The following APP variants were observed in gnomAD, a reference collection of about 807,000 sequenced individuals.
APP encodes the protein amyloid beta precursor protein, also known as amyloid-beta precursor protein.
Under a neutral mutation model 101.4 loss-of-function variants are expected in APP, and 31 were observed. The ratio of observed to expected loss-of-function variants is 0.31; its 90% CI spans 0.23 to 0.41. The LOEUF is 0.41. Among genes scored for constraint, APP ranks in the 10% least tolerant of loss-of-function variants. The pLI is 1.00. For missense variants in APP, 839 were observed against 1,003.7 expected, an observed-to-expected ratio of 0.84 and a Z score of 2.22; for synonymous variants, 366 against 364.4, an observed-to-expected ratio of 1.00 and a Z score of -0.05.
chr21:26,108,310 C>G (rs1008786572), intron 2 of APP, among the ~76,000 whole-genome samples: 1 of 152,152 alleles, frequency 6.6e-6, no homozygotes, highest in Non-Finnish European at 1.5e-5. Context: ...CAATGTTAAA[C>G]CTATATAAAA....
At chr21:26,154,619 G>A (rs549327598) in intron 1 of APP, among the ~76,000 whole-genome samples, 5 of 152,258 alleles carry the variant, frequency 3.3e-5, no homozygotes, top group African/African-American at 9.6e-5. Flanking sequence ...ACAACCTAAC[G>A]TTAGTACCTT....
At chr21:26,049,737 T>C (rs1194218306) in intron 5 of APP, among the ~76,000 whole-genome samples, 2 of 152,112 alleles carry the variant, frequency 1.3e-5, no homozygotes, top group East Asian at 3.9e-4. Context: ...GTAAGAATGG[T>C]TATCCATTGA....
intron 1 of APP, among the ~76,000 whole-genome samples, chr21:26,166,517 C>T (rs537664383): frequency 1.3e-5 from 2 of 152,204 alleles, no homozygotes. Context: ...CTCTGTTCAA[C>T]TCATCGGAAC....
rs373991381 is a variant in APP, at chr21:26,168,969, C to CT, written c.57+1594dup. Among the ~76,000 whole-genome samples, 87 of 152,202 alleles carry CT rather than the reference C, an allele frequency of 5.7e-4. 2 individuals carry two copies. Among genetic ancestry groups the CT allele is most frequent in the African/African-American group, 2.0e-3 (84 of 41,522 alleles). On this transcript the variant is annotated intron_variant, in intron 1 of 17. Coordinates refer to ENST00000346798, the MANE Select transcript of APP (RefSeq NM_000484.4). ...CAGGAAAACATCTGCCCGGAAATTG[C>CT]TTTTTTTCTTTTGGAAAATTACTAG...
upstream of APP, chr21:26,170,860 C>T (rs2063733188): frequency 2.4e-6 from 1 of 421,736 alleles, no homozygotes; most frequent in East Asian, 3.9e-5. Context: ...CCCCTAGCGG[C>T]GCCGCCGGGG....
chr21:26,146,363 CT>C (rs1402777906), intron 1 of APP, among the ~76,000 whole-genome samples: 1 of 152,190 alleles, frequency 6.6e-6, no homozygotes, highest in Non-Finnish European at 1.5e-5. Context: ...TCTGGCAAGC[CT>C]TTTTAGTCTT....
At chr21:25,994,529 G>T (rs2042981350) in intron 8 of APP, among the ~76,000 whole-genome samples, 1 of 152,150 alleles carries the variant, frequency 6.6e-6, no homozygotes, top group South Asian at 2.1e-4. Flanking sequence ...TTTTTATAAT[G>T]CAAACCATCA....
intron 16 of APP, 135 bp from the exon 17 acceptor site, chr21:25,892,003 T>C: frequency 2.4e-6 from 2 of 845,110 alleles, no homozygotes; most frequent in East Asian, 2.7e-5. Context: ...AGTTTCAGTA[T>C]ATTCTCTGCC....
At chr21:26,017,731 C>T (rs925167805) in intron 6 of APP, among the ~76,000 whole-genome samples, 8 of 152,160 alleles carry the variant, frequency 5.3e-5, no homozygotes, top group Admixed American at 1.3e-4. Flanking sequence ...ATGGCTCAAT[C>T]AAAACTACCC....
At chr21:25,900,987 C>CAAAAAAAAAAAAAAAAAAAAAAAAAA (rs71183520) in intron 15 of APP, among the ~76,000 whole-genome samples, 5 of 118,572 alleles carry the variant, frequency 4.2e-5, no homozygotes, top group South Asian at 2.7e-4. Flanking sequence ...GACTCCATCT[C>CAAAAAAAAAAAAAAAAAAAAAAAAAA]AAAAAAAAAA....
At chr21:26,101,118 T>TTG (rs1480756291) in intron 2 of APP, among the ~76,000 whole-genome samples, 1 of 108,518 alleles carries the variant, frequency 9.2e-6, no homozygotes, top group African/African-American at 3.2e-5. Context: ...TTTTTTTTTT[T>TTG]GGGATGGAGT....
intron 8 of APP, among the ~76,000 whole-genome samples, chr21:25,989,044 G>A (rs1000396189): frequency 1.3e-5 from 2 of 152,242 alleles, no homozygotes; most frequent in Non-Finnish European, 2.9e-5. Flanking sequence ...CATAAATGGC[G>A]ATGCTGCACC....
At chr21:26,055,621 A>T (rs545162879) in intron 3 of APP, among the ~76,000 whole-genome samples, 1 of 152,320 alleles carries the variant, frequency 6.6e-6, no homozygotes, top group African/African-American at 2.4e-5. Context: ...TCTAGGTTAC[A>T]GGAGGCCAGA....
intron 9 of APP, among the ~76,000 whole-genome samples, chr21:25,979,467 G>C (rs1320420783): frequency 1.3e-5 from 2 of 152,142 alleles, no homozygotes; most frequent in Admixed American, 6.5e-5. Flanking sequence ...CAAGTTTAAA[G>C]TTGAAAAGTC....
intron 1 of APP, among the ~76,000 whole-genome samples, chr21:26,166,912 GA>G (rs1462262620): frequency 4.6e-5 from 6 of 130,344 alleles, no homozygotes; most frequent in African/African-American, 1.6e-4. Context: ...GAGAAAGAGA[GA>G]GAAAGAGACA....
At chr21:25,939,608 C>G (rs934599494) in intron 13 of APP, among the ~76,000 whole-genome samples, 16 of 152,156 alleles carry the variant, frequency 1.1e-4, no homozygotes, top group Non-Finnish European at 4.4e-5. Flanking sequence ...TACTGGATTA[C>G]CAAGTTCATT....
chr21:26,027,569 C>T (rs1427624085), intron 5 of APP, among the ~76,000 whole-genome samples: 3 of 152,146 alleles, frequency 2.0e-5, no homozygotes, highest in Non-Finnish European at 2.9e-5. Flanking sequence ...GGACACATCA[C>T]CTAATTCTAT....
At chr21:26,141,346 A>G (rs998070971) in intron 1 of APP, among the ~76,000 whole-genome samples, 13 of 152,162 alleles carry the variant, frequency 8.5e-5, no homozygotes, top group Non-Finnish European at 1.0e-4. Flanking sequence ...ATTTTTCCCT[A>G]CAGTTTGGGC....
intron 3 of APP, among the ~76,000 whole-genome samples, chr21:26,082,133 C>T (rs571551829): frequency 1.3e-5 from 2 of 152,098 alleles, no homozygotes; most frequent in African/African-American, 2.4e-5. Context: ...GCAGGAGAAT[C>T]GCTTGATCCC....
Sources: allele counts gnomAD v4.1 joint callset (sites outside exome capture counted in the v4.1 genomes callset), GRCh38; gene constraint gnomAD v4.1.1; transcripts MANE v1.5; gene names NCBI Gene and HGNC (gene_info 2026-07-23, HGNC 2026-07-21).